The following C12orf42 variants were observed in gnomAD, a reference collection of about 807,000 sequenced individuals.
C12orf42 encodes chromosome 12 open reading frame 42.
C12orf42 carries 25 observed loss-of-function variants against 21.6 expected under a neutral mutation model. That is an observed-to-expected ratio of 1.16 (90% CI 0.84 to 1.62). The LOEUF (loss-of-function observed/expected upper bound fraction) is 1.62. Among genes scored for constraint, C12orf42 ranks in the 40% most tolerant of loss-of-function variants. The probability of loss-of-function intolerance (pLI) is 0.00; values close to 1 mark genes in which losing one functional copy is unlikely to be tolerated. For synonymous variants in C12orf42, 174 were observed against 175.0 expected (o/e 0.99, Z 0.05); for missense variants, 483 against 459.3 (o/e 1.05, Z -0.47).
the C12orf42 span, among the ~76,000 whole-genome samples, chr12:103,187,353 C>A: frequency 6.6e-6 from 1 of 151,998 alleles, no homozygotes; most frequent in Admixed American, 6.6e-5. Context: ...GGGAACTTTC[C>A]CATAGTCACA....
chr12:103,520,700 A>T, the C12orf42 span, among the ~76,000 whole-genome samples: 1 of 152,250 alleles, frequency 6.6e-6, no homozygotes, highest in African/African-American at 2.4e-5. Flanking sequence ...AATGAAAAAA[A>T]AAATAAAACT....
intron 2 of C12orf42, among the ~76,000 whole-genome samples, chr12:103,404,364 G>A (rs1477982686): frequency 6.6e-6 from 1 of 152,152 alleles, no homozygotes; most frequent in Non-Finnish European, 1.5e-5. Context: ...TAAATAAAAG[G>A]TTGAAAGAAT....
chr12:103,211,760 C>G, the C12orf42 span, among the ~76,000 whole-genome samples: 1 of 152,160 alleles, frequency 6.6e-6, no homozygotes, highest in African/African-American at 2.4e-5. Context: ...CAGTGGGAAA[C>G]AGTAAATGCT....
chr12:103,507,250 T>TA, the C12orf42 span, among the ~76,000 whole-genome samples: 1 of 61,124 alleles, frequency 1.6e-5, no homozygotes, highest in Non-Finnish European at 2.5e-5. Context: ...TTATATATAA[T>TA]ATATAAATAT....
intron 10 of C12orf42, among the ~76,000 whole-genome samples, chr12:103,252,878 C>G (rs2034378867): frequency 6.6e-6 from 1 of 152,034 alleles, no homozygotes; most frequent in South Asian, 2.1e-4. Flanking sequence ...AGTCTTTGCC[C>G]ATGCCCATGT....
chr12:103,179,757 T>TA, the C12orf42 span, among the ~76,000 whole-genome samples: 1 of 152,222 alleles, frequency 6.6e-6, no homozygotes, highest in African/African-American at 2.4e-5. Context: ...GTTAGCAGAC[T>TA]ATTACAACCA....
intron 4 of C12orf42, among the ~76,000 whole-genome samples, chr12:103,286,005 G>A (rs563786287): frequency 6.6e-5 from 10 of 152,252 alleles, no homozygotes; most frequent in African/African-American, 1.4e-4. Context: ...CAGCACTTTG[G>A]GGGGGTGCCA....
At chr12:103,072,789 A>G in the C12orf42 span, among the ~76,000 whole-genome samples, 1 of 152,176 alleles carries the variant, frequency 6.6e-6, no homozygotes, top group Non-Finnish European at 1.5e-5. Context: ...TGACTTTTTA[A>G]TAATAGTCTT....
chr12:103,366,791 C>A (rs991683479), intron 4 of C12orf42, among the ~76,000 whole-genome samples: 11 of 151,412 alleles, frequency 7.3e-5, no homozygotes, highest in Non-Finnish European at 1.6e-4. Context: ...TGGCCATAAT[C>A]AAAAAATAAT....
chr12:103,144,469 G>A, the C12orf42 span, among the ~76,000 whole-genome samples: 1 of 152,166 alleles, frequency 6.6e-6, no homozygotes, highest in South Asian at 2.1e-4. Context: ...CATGAGGTAA[G>A]TCCCTTAATG....
chr12:103,403,890 C>T (rs1047776889), intron 2 of C12orf42, among the ~76,000 whole-genome samples: 10 of 152,206 alleles, frequency 6.6e-5, no homozygotes, highest in Admixed American at 6.5e-5. Flanking sequence ...TTTTTTATTT[C>T]AGTGGAGATT....
At chr12:103,211,451 A>G in the C12orf42 span, among the ~76,000 whole-genome samples, 1 of 152,184 alleles carries the variant, frequency 6.6e-6, no homozygotes, top group Non-Finnish European at 1.5e-5. Context: ...TTAAGTTATG[A>G]AAACTGTGGC....
At chr12:103,281,935 G>T (rs2036157459) in intron 4 of C12orf42, among the ~76,000 whole-genome samples, 1 of 150,996 alleles carries the variant, frequency 6.6e-6, no homozygotes, top group African/African-American at 2.4e-5. Context: ...AAGAAAGAAA[G>T]AAAGAAAGAA....
At chr12:103,516,658 GA>G in the C12orf42 span, among the ~76,000 whole-genome samples, 1 of 152,072 alleles carries the variant, frequency 6.6e-6, no homozygotes, top group Non-Finnish European at 1.5e-5. Context: ...CAGCACAGAG[GA>G]AACAGCCCCA....
the C12orf42 span, among the ~76,000 whole-genome samples, chr12:103,048,947 G>A: frequency 0.017 from 2,654 of 152,046 alleles, 33 homozygotes; most frequent in Non-Finnish European, 0.027. Flanking sequence ...AGTCACAATG[G>A]CCACCTATCC....
chr12:103,168,581 T>G, the C12orf42 span, among the ~76,000 whole-genome samples: 178 of 152,268 alleles, frequency 1.2e-3, 2 homozygotes, highest in African/African-American at 4.2e-3. Flanking sequence ...CCAACATTAG[T>G]TTTCATTTAT....
At chr12:103,189,833 A>C in the C12orf42 span, among the ~76,000 whole-genome samples, 3 of 152,196 alleles carry the variant, frequency 2.0e-5, no homozygotes, top group African/African-American at 7.2e-5. Context: ...AATCCTAGCC[A>C]GCCAACTTAC....
At chr12:103,498,102 G>C (rs1261006273), upstream of C12orf42, among the ~76,000 whole-genome samples, 2 of 151,906 alleles carry the variant, frequency 1.3e-5, no homozygotes, top group Non-Finnish European at 2.9e-5. Flanking sequence ...ACGATGAGAG[G>C]GAAAAATGTA....
the C12orf42 span, among the ~76,000 whole-genome samples, chr12:103,534,883 TGG>T: frequency 6.6e-6 from 1 of 152,224 alleles, no homozygotes; most frequent in Non-Finnish European, 1.5e-5. Context: ...TGTCTTTCCC[TGG>T]GGTAAGTGTT....
Sources: gnomAD v4.1 joint callset for allele counts (sites outside exome capture counted in the v4.1 genomes callset) on GRCh38, gnomAD v4.1.1 for gene constraint, MANE v1.5 for transcripts, NCBI Gene and HGNC (gene_info 2026-07-23, HGNC 2026-07-21) for gene names.